The following ODAD2 variants were observed in gnomAD, a reference collection of about 807,000 sequenced individuals.
ODAD2 encodes outer dynein arm docking complex subunit 2, also known as outer dynein arm-docking complex subunit 2.
ODAD2 carries 89 observed loss-of-function variants against 106.8 expected under a neutral mutation model. The ratio of observed to expected loss-of-function variants is 0.83; its 90% CI spans 0.70 to 0.99. ODAD2 has a LOEUF of 0.99. Among genes scored for constraint, ODAD2 ranks in the 50% least tolerant of loss-of-function variants. The probability of loss-of-function intolerance (pLI) is 0.00; values close to 1 mark genes in which losing one functional copy is unlikely to be tolerated. For synonymous variants in ODAD2, 404 were observed against 436.2 expected (o/e 0.93, Z 0.92); for missense variants, 1,168 against 1,238.5 (o/e 0.94, Z 0.85).
At chr10:27,923,139 C>T (rs921325758) in intron 16 of ODAD2, among the ~76,000 whole-genome samples, 13 of 152,104 alleles carry the variant, frequency 8.5e-5, no homozygotes, top group Non-Finnish European at 1.8e-4. Flanking sequence ...AAAATTACGA[C>T]ATTGTTGAAA....
intron 16 of ODAD2, among the ~76,000 whole-genome samples, chr10:27,930,017 A>G (rs1845505038): frequency 6.6e-6 from 1 of 151,642 alleles, no homozygotes; most frequent in Non-Finnish European, 1.5e-5. Context: ...AATTACGTTT[A>G]TGTTGGCTCT....
Position 27,862,523 on chromosome 10 carries a change from C to A in ODAD2, c.2710G>T (p.Ala904Ser). ...TGATCTTTTGCTATGTTGGTAATGG[C>A]AGCACATACACTTGCCAGAACTTCT... is the stretch of plus-strand genomic sequence containing the variant. ...NKEVLASVCA[A>S]ITNIAKDQEN... Residue 904 changes from alanine (A) to serine (S), a missense_variant, in exon 18 of 20, where the codon GCC becomes TCC. Physicochemically the swap from Ala to Ser is moderately conservative, Grantham distance 99. Around this residue, in one of 3 missense-constraint regions of ODAD2, gnomAD observed 701 missense variants for 712.3 expected, o/e 0.98. Transcript: ENST00000305242. 1 of 1,612,680 alleles carries A rather than the reference C, an allele frequency of 6.2e-7. No homozygotes were observed. The highest frequency in any genetic ancestry group is 2.2e-5 in the East Asian group (1 of 44,722).
intron 19 of ODAD2, among the ~76,000 whole-genome samples, chr10:27,835,211 G>A (rs542268459): frequency 6.4e-4 from 97 of 152,318 alleles, no homozygotes; most frequent in African/African-American, 2.2e-3. Flanking sequence ...TGGCCCTGAG[G>A]AGATGGGCTG....
intron 1 of ODAD2, among the ~76,000 whole-genome samples, chr10:27,996,187 A>C (rs1850549679): frequency 6.6e-6 from 1 of 152,180 alleles, no homozygotes; most frequent in African/African-American, 2.4e-5. Context: ...TATAGCACTT[A>C]TTGATAAAAT....
chr10:27,857,241 G>A (rs933157824), intron 19 of ODAD2, among the ~76,000 whole-genome samples: 6 of 152,092 alleles, frequency 3.9e-5, no homozygotes, highest in African/African-American at 1.4e-4. Context: ...TTAATAAACA[G>A]TAAATATATT....
At chr10:27,883,070 C>T (rs898597672) in intron 17 of ODAD2, among the ~76,000 whole-genome samples, 1 of 151,912 alleles carries the variant, frequency 6.6e-6, no homozygotes, top group Non-Finnish European at 1.5e-5. Context: ...TAAAAGGCTA[C>T]ATACATGTGT....
intron 7 of ODAD2, among the ~76,000 whole-genome samples, chr10:27,978,511 A>G (rs1463084097): frequency 6.6e-6 from 1 of 152,084 alleles, no homozygotes; most frequent in African/African-American, 2.4e-5. Flanking sequence ...GGAAAACTGG[A>G]GCCGGGCATG....
At chr10:27,955,192 C>T (rs1847635392) in intron 10 of ODAD2, among the ~76,000 whole-genome samples, 1 of 152,132 alleles carries the variant, frequency 6.6e-6, no homozygotes, top group Admixed American at 6.6e-5. Flanking sequence ...TTTCGAAATA[C>T]TCTTTTTAAC....
At chr10:27,855,240 T>C (rs1346198447) in intron 19 of ODAD2, among the ~76,000 whole-genome samples, 4 of 152,152 alleles carry the variant, frequency 2.6e-5, no homozygotes, top group Non-Finnish European at 4.4e-5. Flanking sequence ...TTGATGTACA[T>C]ATGATATTAA....
At chr10:27,836,535 A>G (rs1837904301) in intron 19 of ODAD2, among the ~76,000 whole-genome samples, 1 of 152,212 alleles carries the variant, frequency 6.6e-6, no homozygotes, top group Non-Finnish European at 1.5e-5. Flanking sequence ...AAACTCATCT[A>G]AATTTGCAAA....
chr10:27,885,696 ATATATATAAAATATATATTATATAT>A (rs1564466180), intron 17 of ODAD2, among the ~76,000 whole-genome samples: 13 of 44,468 alleles, frequency 2.9e-4, no homozygotes, highest in African/African-American at 9.4e-4. Context: ...ATAATATATA[ATATATATAAAATATATATTATATAT>A]TATATATAAA....
intron 7 of ODAD2, among the ~76,000 whole-genome samples, chr10:27,973,560 C>T (rs1470217502): frequency 6.6e-6 from 1 of 152,064 alleles, no homozygotes; most frequent in Non-Finnish European, 1.5e-5. Flanking sequence ...TCATTTAGCT[C>T]CCATTTATAA....
chr10:27,954,673 C>T (rs779766954), intron 10 of ODAD2, among the ~76,000 whole-genome samples: 1 of 152,204 alleles, frequency 6.6e-6, no homozygotes. Context: ...CTTTACGCTG[C>T]TTTTTCTCCA....
At chr10:27,870,491 C>G (rs1444684498) in intron 17 of ODAD2, among the ~76,000 whole-genome samples, 1 of 152,098 alleles carries the variant, frequency 6.6e-6, no homozygotes, top group African/African-American at 2.4e-5. Flanking sequence ...TCTCCTAATG[C>G]TATCCCTCCC....
At chr10:27,927,662 T>C (rs184313548) in intron 16 of ODAD2, among the ~76,000 whole-genome samples, 87 of 152,302 alleles carry the variant, frequency 5.7e-4, no homozygotes, top group Middle Eastern at 3.4e-3. Flanking sequence ...GGCCTTGCTA[T>C]AGAATTTAAC....
intron 19 of ODAD2, among the ~76,000 whole-genome samples, chr10:27,858,383 T>C (rs533745281): frequency 1.8e-4 from 28 of 152,306 alleles, no homozygotes; most frequent in East Asian, 9.6e-4. Context: ...TCTGCCTCTA[T>C]GTTATTGCAG....
intron 19 of ODAD2, among the ~76,000 whole-genome samples, chr10:27,830,925 T>C (rs1413135199): frequency 6.6e-6 from 1 of 152,266 alleles, no homozygotes; most frequent in East Asian, 1.9e-4. Context: ...TTTTCTCTAG[T>C]ACATCTTTTG....
At chr10:27,917,677 G>T (rs1043068980) in intron 16 of ODAD2, among the ~76,000 whole-genome samples, 1 of 151,956 alleles carries the variant, frequency 6.6e-6, no homozygotes, top group African/African-American at 2.4e-5. Flanking sequence ...TGTAGGCTTT[G>T]TAGGTAACAT....
chr10:27,944,734 G>A, intron 11 of ODAD2, 82 bp downstream of exon 11: 2 of 1,538,396 alleles, frequency 1.3e-6, no homozygotes, highest in Non-Finnish European at 1.8e-6. Flanking sequence ...AGGCAACGAG[G>A]CATGGCAGAA....
Sources: gnomAD v4.1 joint callset for allele counts (sites outside exome capture counted in the v4.1 genomes callset) on GRCh38, gnomAD v4.1.1 for gene constraint, gnomAD v4.1.1 regional missense constraint, MANE v1.5 for transcripts, NCBI Gene and HGNC (gene_info 2026-07-23, HGNC 2026-07-21) for gene names.